The following MROH7 variants were observed in gnomAD, a reference collection of about 807,000 sequenced individuals.
The protein encoded by MROH7 is maestro heat-like repeat-containing protein family member 7.
A neutral mutation model predicts 129.2 loss-of-function variants in MROH7; 113 were observed. The observed-to-expected ratio is 0.87, with a 90% confidence interval of 0.75 to 1.02. The LOEUF is 1.02. MROH7 is among the 50% of genes least tolerant of loss of function. MROH7 has a pLI of 0.00. For missense variants in MROH7, 1,601 were observed against 1,671.3 expected, an observed-to-expected ratio of 0.96 and a Z score of 0.73; for synonymous variants, 655 against 667.9, an observed-to-expected ratio of 0.98 and a Z score of 0.30.
chr1:54,643,526 T>G (rs941664608), intron 1 of MROH7, among the ~76,000 whole-genome samples: 2 of 152,000 alleles, frequency 1.3e-5, no homozygotes, highest in Non-Finnish European at 2.9e-5. Context: ...CAGATTAGGG[T>G]GTCTTCACTC....
rs761029220 is a variant in MROH7, at chr1:54,670,796, C to T, written c.1470-4C>T. ...CATTTCTTTGCTTTCTGCCTCTTCT[C>T]CAGCCACACCCAGCCCACCCTGGGC... On this transcript the variant is annotated splice_region_variant and splice_polypyrimidine_tract_variant and intron_variant, in intron 6 of 23. Transcript: ENST00000421030. The T allele has an allele frequency of 1.2e-6, 2 of 1,613,544 alleles. No individual in the cohort carries two copies. The highest frequency in any genetic ancestry group is 4.5e-5 in the East Asian group (2 of 44,862).
intron 3 of MROH7, among the ~76,000 whole-genome samples, chr1:54,660,854 A>G (rs1644721437): frequency 1.3e-5 from 2 of 152,114 alleles, no homozygotes; most frequent in South Asian, 4.2e-4. Flanking sequence ...AGAAAAATAA[A>G]AAATCATAGT....
intron 1 of MROH7, among the ~76,000 whole-genome samples, chr1:54,643,290 T>C (rs889411672): frequency 2.6e-5 from 4 of 152,246 alleles, no homozygotes; most frequent in South Asian, 2.1e-4. Context: ...GAGGGAGCAA[T>C]TGAAGTTTAG....
In MROH7 at chr1:54,662,087, G is replaced by A. The variant is rs575365104; in HGVS notation, c.1232-3080G>A. 3.3e-5 allele frequency among the ~76,000 whole-genome samples: 5 copies of A among 152,022 alleles called. No individual in the cohort carries two copies. In the East Asian group the frequency reaches 7.8e-4, roughly 24 times the overall value. ...ATGTAAAAATTAGCCAAATGTGGTA[G>A]CGTGGGCCTGTAGTGCCAACTAGTT... On this transcript the variant is annotated intron_variant, in intron 3 of 23. Transcript: ENST00000421030.
chr1:54,710,085 C>A lies in MROH7; in HGVS notation c.3870C>A (p.Thr1290=). ...GNSWVCYSAT[T]HRWSPSCENL... is the part of the protein sequence containing the mutation. The stretch of plus-strand genomic sequence containing the variant: ...CATGGGTGTGTTACTCAGCCACCAC[C>A]CACCGCTGGAGCCCCAGCTGTGAGA... The change falls in exon 24 of 24, where the codon ACC becomes ACA. Residue 1290 remains threonine (T), a synonymous_variant. Coordinates refer to ENST00000421030, the MANE Select transcript of MROH7 (RefSeq NM_001039464.4). The A allele has an allele frequency of 6.2e-7, 1 of 1,614,082 alleles. No homozygotes were observed. Among genetic ancestry groups the A allele is most frequent in the African/African-American group, 1.3e-5 (1 of 75,052 alleles).
chr1:54,676,183 T>C (rs948207486), intron 10 of MROH7, among the ~76,000 whole-genome samples: 18 of 152,204 alleles, frequency 1.2e-4, no homozygotes, highest in Non-Finnish European at 1.9e-4. Context: ...GCCAAACTTA[T>C]ACTCTTAGAT....
At chr1:54,685,703 G>A (rs1460409507) in intron 14 of MROH7, among the ~76,000 whole-genome samples, 1 of 152,186 alleles carries the variant, frequency 6.6e-6, no homozygotes, top group Non-Finnish European at 1.5e-5. Flanking sequence ...GGCTGGTGTT[G>A]TTTCTCTTGG....
chr1:54,702,973 G>A (rs1219139980), intron 21 of MROH7, among the ~76,000 whole-genome samples: 1 of 152,098 alleles, frequency 6.6e-6, no homozygotes, highest in Admixed American at 6.6e-5. Flanking sequence ...GGCACTTCAA[G>A]CTCAGCTTGT....
chr1:54,648,372 ATTT>A (rs547543195), intron 1 of MROH7, among the ~76,000 whole-genome samples: 434 of 127,294 alleles, frequency 3.4e-3, no homozygotes, highest in African/African-American at 0.012. Context: ...TTATTTATTT[ATTT>A]ATTTTTTGAG....
rs573632856 is a variant in MROH7 at position 54,652,480 on chromosome 1, C to G, written c.-74-373C>G. On this transcript the variant is annotated intron_variant, in intron 2 of 23. Coordinates refer to ENST00000421030, the MANE Select transcript of MROH7 (RefSeq NM_001039464.4). ...CCCAGGGGCCAAGGTATACACAGTT[C>G]TTGTCATTGCAAAGCTCATCTCTAG... 3.3e-5 allele frequency among the ~76,000 whole-genome samples: 5 copies of G among 152,354 alleles called. No homozygotes were observed. In the South Asian group the frequency reaches 1.0e-3, roughly 32 times the overall value.
In MROH7 at chr1:54,701,087, C is replaced by T. The variant is rs534307799; in HGVS notation, c.3106-56C>T. On this transcript the variant is annotated intron_variant, in intron 18 of 23. Coordinates refer to ENST00000421030, the MANE Select transcript of MROH7 (RefSeq NM_001039464.4). Reference sequence around the variant, plus strand: ...TTTCAGTGAATCAGAGGCTGGGTCTCTTCCTACTTGCTAGCTCAGATAGGA... The same window carrying T: ...TTTCAGTGAATCAGAGGCTGGGTCTTTTCCTACTTGCTAGCTCAGATAGGA... 1.9e-5 allele frequency: 30 copies of T among 1,577,198 alleles called. No homozygotes were observed. In the African/African-American group the frequency reaches 3.0e-4, roughly 16 times the overall value.
chr1:54,655,918 G>C (rs1032037419), intron 3 of MROH7, among the ~76,000 whole-genome samples: 1 of 147,370 alleles, frequency 6.8e-6, no homozygotes, highest in African/African-American at 2.5e-5. Flanking sequence ...TTTTGAGATG[G>C]AGTCTTGCTC....
chr1:54,687,135 G>A (rs1003270534), intron 15 of MROH7, among the ~76,000 whole-genome samples: 3 of 151,802 alleles, frequency 2.0e-5, no homozygotes, highest in Non-Finnish European at 2.9e-5. Flanking sequence ...GTGCAGTGGC[G>A]CAATCTCAGC....
intron 3 of MROH7, among the ~76,000 whole-genome samples, chr1:54,660,702 C>A (rs879605662): frequency 7.9e-5 from 12 of 152,102 alleles, no homozygotes; most frequent in Non-Finnish European, 1.6e-4. Flanking sequence ...GTAATCCCAG[C>A]TACTCAGGAG....
chr1:54,662,250 G>C (rs184040839), intron 3 of MROH7, among the ~76,000 whole-genome samples: 6 of 150,814 alleles, frequency 4.0e-5, no homozygotes, highest in Admixed American at 4.0e-4. Context: ...TTAGAGAAAA[G>C]TTGAGCTGGG....
intron 1 of MROH7, among the ~76,000 whole-genome samples, chr1:54,648,034 C>T (rs1270420294): frequency 6.6e-6 from 1 of 151,340 alleles, no homozygotes; most frequent in African/African-American, 2.4e-5. Flanking sequence ...TTTGAACATA[C>T]AATTTATTTA....
At chr1:54,702,779 C>A (rs1166095247) in intron 21 of MROH7, 34 bp downstream of exon 21, 6 of 1,583,328 alleles carry the variant, frequency 3.8e-6, no homozygotes, top group South Asian at 1.2e-5. Flanking sequence ...TGGTTCCTTA[C>A]AAGCATGTTG....
At chr1:54,702,588 C>T in intron 20 of MROH7, 35 bp from the exon 21 acceptor site, 1 of 1,528,442 alleles carries the variant, frequency 6.5e-7, no homozygotes. Context: ...TCTGGCTGTC[C>T]ACAGTTCTGA....
intron 16 of MROH7, among the ~76,000 whole-genome samples, chr1:54,694,549 C>T (rs1002407106): frequency 2.0e-5 from 3 of 152,210 alleles, no homozygotes; most frequent in Non-Finnish European, 2.9e-5. Flanking sequence ...TCACTGCAAC[C>T]TCTGCCTCCT....
Sources: allele counts gnomAD v4.1 joint callset (sites outside exome capture counted in the v4.1 genomes callset), GRCh38; gene constraint gnomAD v4.1.1; transcripts MANE v1.5; gene names NCBI Gene and HGNC (gene_info 2026-07-23, HGNC 2026-07-21).